Variants in ARID1A observed in about 807,000 individuals in gnomAD.
ARID1A encodes the protein AT-rich interactive domain-containing protein 1A.
A neutral mutation model predicts 212.6 loss-of-function variants in ARID1A; 20 were observed. That is an observed-to-expected ratio of 0.09 (90% CI 0.07 to 0.14). The LOEUF (loss-of-function observed/expected upper bound fraction) is 0.14, where lower values mean the gene tolerates loss of function less well. Ranked by LOEUF, ARID1A falls within the 10% of genes least tolerant of loss-of-function variation. The probability of loss-of-function intolerance (pLI) is 1.00; values close to 1 mark genes in which losing one functional copy is unlikely to be tolerated. For synonymous variants in ARID1A, 1,376 were observed against 1,222.1 expected (o/e 1.13, Z -2.63); for missense variants, 2,587 against 3,059.0 (o/e 0.85, Z 3.64).
At chr1:26,775,917 T>C in intron 19 of ARID1A, 1 of 760,300 alleles carries the variant, frequency 1.3e-6, no homozygotes, top group Non-Finnish European at 2.2e-6. Flanking sequence ...TAACACAGGA[T>C]TGACTTCAAA....
In ARID1A at chr1:26,696,632, G is replaced by A. The variant is rs1430689430; in HGVS notation, c.229G>A (p.Ala77Thr). The change falls in exon 1 of 20, where the codon GCC becomes ACC. Residue 77 changes from alanine (A) to threonine (T), a missense_variant. By Grantham distance (58) the Ala-to-Thr change is moderately conservative (BLOSUM62 0). Around this residue, in one of 11 missense-constraint regions of ARID1A, gnomAD observed 735 missense variants for 590.6 expected, o/e 1.24. Transcript: ENST00000324856. ...GCTGGGAAAGGAGCTGCAGGACGGGGCCGAGAGCAATGGGGGTGGCGGCGG... is the reference window on the plus strand; with the variant it reads ...GCTGGGAAAGGAGCTGCAGGACGGGACCGAGAGCAATGGGGGTGGCGGCGG... Reference protein sequence around the residue: ...QPLGKELQDGAESNGGGGGGG... With the variant: ...QPLGKELQDGTESNGGGGGGG... 8.5e-6 allele frequency: 11 copies of A among 1,290,086 alleles called. No individual in the cohort carries two copies. In the African/African-American group the frequency reaches 1.7e-4, roughly 20 times the overall value. 79.9% of individuals were successfully genotyped at this position (1,290,086 alleles called of 1,614,324 possible). A position where few individuals can be genotyped will look rare whatever the true frequency, so the allele number is the denominator to read the frequency against.
chr1:26,710,577 G>A (rs2080444033), intron 1 of ARID1A, among the ~76,000 whole-genome samples: 1 of 151,376 alleles, frequency 6.6e-6, no homozygotes, highest in South Asian at 2.1e-4. Flanking sequence ...GGTTCTCAGT[G>A]TGGTCCCTAG....
At chr1:26,747,829 G>A (rs572762773) in intron 4 of ARID1A, among the ~76,000 whole-genome samples, 31 of 152,024 alleles carry the variant, frequency 2.0e-4, no homozygotes, top group Non-Finnish European at 3.5e-4. Flanking sequence ...CAGCCTGGGT[G>A]ACAGAGCAAG....
In ARID1A at chr1:26,766,710, C is replaced by G. The variant is rs554356960; in HGVS notation, c.2988+144C>G. ...TCTGAAAAAGCTGCTGTTGCCTCCT[C>G]TTATCATGAAAGGTCCCAGAATAAT... On this transcript the variant is annotated intron_variant, in intron 10 of 19. Coordinates refer to ENST00000324856, the MANE Select transcript of ARID1A (RefSeq NM_006015.6). 123 of 867,814 alleles carry G rather than the reference C, an allele frequency of 1.4e-4. No individual in the cohort carries two copies. In the African/African-American group the frequency reaches 1.5e-3, roughly 10 times the overall value. The allele number at this position is 867,814 out of a possible 1,614,324, so 53.8% of individuals were successfully genotyped here.
At chr1:26,722,318 T>G (rs576168044) in intron 1 of ARID1A, among the ~76,000 whole-genome samples, 30 of 152,306 alleles carry the variant, frequency 2.0e-4, no homozygotes, top group Non-Finnish European at 3.5e-4. Flanking sequence ...TGATCTCTGC[T>G]CACTACAACC....
intron 2 of ARID1A, among the ~76,000 whole-genome samples, chr1:26,730,671 A>G (rs1027843796): frequency 3.9e-5 from 6 of 152,276 alleles, no homozygotes; most frequent in Non-Finnish European, 7.4e-5. Flanking sequence ...AGGCTGTCAA[A>G]TATTTTTTTT....
intron 4 of ARID1A, among the ~76,000 whole-genome samples, chr1:26,733,079 C>G (rs1296664192): frequency 1.3e-5 from 2 of 152,160 alleles, no homozygotes; most frequent in East Asian, 1.9e-4. Flanking sequence ...ACTGTCTGCT[C>G]TCCATCAAAG....
chr1:26,775,859 C>T (rs542371299), intron 19 of ARID1A, 152 bp downstream of exon 19: 149 of 1,131,128 alleles, frequency 1.3e-4, no homozygotes, highest in Non-Finnish European at 1.8e-4. Context: ...CCTCTGGGCA[C>T]GGGCCCAGGA....
rs747694475 is a variant in ARID1A, at chr1:26,697,162, C to T, written c.759C>T (p.Pro253=). Residue 253 remains proline (P), a synonymous_variant, in exon 1 of 20, where the codon CCC becomes CCT. Coordinates refer to ENST00000324856, the MANE Select transcript of ARID1A (RefSeq NM_006015.6). The part of the protein sequence containing the change: ...AAAAAGSKPP[P]SSSASASSSS... Reference sequence around the variant, plus strand: ...CGGCTGCCGGCTCCAAGCCGCCTCCCTCCTCCAGCGCCTCCGCCTCCTCGT... The same window carrying T: ...CGGCTGCCGGCTCCAAGCCGCCTCCTTCCTCCAGCGCCTCCGCCTCCTCGT... 1 of 1,440,920 alleles carries T rather than the reference C, an allele frequency of 6.9e-7. No homozygotes were observed. The highest frequency in any genetic ancestry group is 9.1e-7 in the Non-Finnish European group (1 of 1,100,648). The allele number at this position is 1,440,920 out of a possible 1,614,324, so 89.3% of individuals were successfully genotyped here. A position where few individuals can be genotyped will look rare whatever the true frequency, so the allele number is the denominator to read the frequency against.
chr1:26,738,117 G>A (rs1329520171), intron 4 of ARID1A, among the ~76,000 whole-genome samples: 3 of 151,494 alleles, frequency 2.0e-5, no homozygotes, highest in Admixed American at 6.6e-5. Flanking sequence ...TCCGCCTCCC[G>A]GGTTCAAACG....
In ARID1A at chr1:26,696,720, A is replaced by G. The variant is rs753205954; in HGVS notation, c.317A>G (p.Asn106Ser). ...AEPDLKNSNG[N>S]AGPRPALNNN... Reference sequence around the variant, plus strand: ...CCGGACCTGAAGAACTCGAACGGGAACGCGGGCCCTAGGCCCGCCCTGAAC... The same window carrying G: ...CCGGACCTGAAGAACTCGAACGGGAGCGCGGGCCCTAGGCCCGCCCTGAAC... The change falls in exon 1 of 20, where the codon AAC becomes AGC. Residue 106 changes from asparagine (N) to serine (S), a missense_variant. By Grantham distance (46) the Asn-to-Ser change is conservative. Coordinates refer to ENST00000324856, the MANE Select transcript of ARID1A (RefSeq NM_006015.6). The G allele has an allele frequency of 2.4e-5, 33 of 1,368,874 alleles. No individual in the cohort carries two copies. The South Asian group carries it at 5.5e-4, about 23-fold the overall frequency. The allele number at this position is 1,368,874 out of a possible 1,614,324, so 84.8% of individuals were successfully genotyped here. A position where few individuals can be genotyped will look rare whatever the true frequency, so the allele number is the denominator to read the frequency against.
intron 1 of ARID1A, among the ~76,000 whole-genome samples, chr1:26,709,709 A>G (rs940556229): frequency 1.4e-5 from 2 of 141,210 alleles, no homozygotes; most frequent in Non-Finnish European, 3.0e-5. Context: ...TGCAGTGGCT[A>G]TCCACAGGCA....
intron 1 of ARID1A, among the ~76,000 whole-genome samples, chr1:26,699,678 A>G (rs1311624196): frequency 1.3e-5 from 2 of 152,190 alleles, no homozygotes; most frequent in Admixed American, 6.5e-5. Context: ...GGGTCATCCT[A>G]TAGTCTGAAC....
rs546731502 is a variant in ARID1A at position 26,766,156 on chromosome 1, C to T, written c.2733-65C>T. 2.7e-5 allele frequency: 42 copies of T among 1,550,782 alleles called. No homozygotes were observed. In the East Asian group the frequency reaches 9.2e-4, roughly 34 times the overall value. Reference sequence around the variant, plus strand: ...GATGATCACACAGCACTATTTGGCTCCAGTTCAAATCTAAAAGCTCAGAGT... The same window carrying T: ...GATGATCACACAGCACTATTTGGCTTCAGTTCAAATCTAAAAGCTCAGAGT... On this transcript the variant is annotated intron_variant, in intron 8 of 19. Coordinates refer to ENST00000324856, the MANE Select transcript of ARID1A (RefSeq NM_006015.6).
At chr1:26,700,788 C>T (rs1227052188) in intron 1 of ARID1A, among the ~76,000 whole-genome samples, 2 of 152,214 alleles carry the variant, frequency 1.3e-5, no homozygotes, top group Non-Finnish European at 2.9e-5. Flanking sequence ...GGCTGAAATA[C>T]AGGACTCTTG....
chr1:26,726,253 G>C (rs1422381420), intron 1 of ARID1A, among the ~76,000 whole-genome samples: 1 of 148,010 alleles, frequency 6.8e-6, no homozygotes, highest in African/African-American at 2.5e-5. Context: ...GCTCGCTTCA[G>C]TCTTCGCCTC....
rs906856131 is a variant in ARID1A, at chr1:26,771,691, C to G, written c.3406+365C>G. ...TCAGCACCTTAGAATGCAGCTCAGA[C>G]TAGAGCCCTGAATTCCCCAGGGAGC... is the stretch of plus-strand genomic sequence containing the variant. On this transcript the variant is annotated intron_variant, in intron 12 of 19. Transcript: ENST00000324856. The surrounding 1 kb of genome is among the most constrained non-coding windows in gnomAD (Gnocchi z 5.4). The G allele has an allele frequency of 3.8e-6, 1 of 265,748 alleles. No homozygotes were observed. The highest frequency in any genetic ancestry group is 9.2e-5 in the East Asian group (1 of 10,878). The allele number at this position is 265,748 out of a possible 1,614,324, so 16.5% of individuals were successfully genotyped here.
intron 1 of ARID1A, among the ~76,000 whole-genome samples, chr1:26,714,673 C>T (rs1196266852): frequency 1.3e-5 from 2 of 152,082 alleles, no homozygotes; most frequent in East Asian, 3.9e-4. Context: ...CCTCTGCCTC[C>T]CAAAGTGCTG....
rs773925861 is a variant in ARID1A at position 26,779,741 on chromosome 1, G to A, written c.5843G>A (p.Ser1948Asn). The A allele has an allele frequency of 6.2e-7, 1 of 1,614,128 alleles. No homozygotes were observed. The highest frequency in any genetic ancestry group is 2.2e-5 in the East Asian group (1 of 44,886). ...KFPFGISPAQSHRNIKILEDE... is the reference protein window; with the variant it reads ...KFPFGISPAQNHRNIKILEDE... The stretch of plus-strand genomic sequence containing the variant: ...CCATTTGGCATTAGCCCAGCACAGA[G>A]CCACCGGAACATCAAGATCCTAGAG... Residue 1948 changes from serine to asparagine, a missense_variant, in exon 20 of 20, where the codon AGC becomes AAC. By Grantham distance (46) the Ser-to-Asn change is conservative. Coordinates refer to ENST00000324856, the MANE Select transcript of ARID1A (RefSeq NM_006015.6).
Sources: gnomAD v4.1 joint callset for allele counts (sites outside exome capture counted in the v4.1 genomes callset) on GRCh38, gnomAD v4.1.1 for gene constraint, gnomAD v4.1.1 regional missense constraint, Gnocchi (gnomAD v3.1) non-coding constraint, MANE v1.5 for transcripts, NCBI Gene and HGNC (gene_info 2026-07-23, HGNC 2026-07-21) for gene names.